DLGAP2: variants seen among roughly 807,000 people sequenced by gnomAD.
DLGAP2 encodes the protein DLG associated protein 2, also known as disks large-associated protein 2.
Under a neutral mutation model 100.3 loss-of-function variants are expected in DLGAP2, and 26 were observed. That is an observed-to-expected ratio of 0.26 (90% CI 0.19 to 0.36). The LOEUF is 0.36. DLGAP2 is among the 10% of genes least tolerant of loss of function. The pLI, the probability that DLGAP2 is intolerant of heterozygous loss-of-function variation, is 1.00. For missense variants in DLGAP2, 1,858 were observed against 1,453.2 expected, an observed-to-expected ratio of 1.28 and a Z score of -4.53; for synonymous variants, 886 against 630.1, an observed-to-expected ratio of 1.41 and a Z score of -6.08.
At chr8:1,684,423 T>C (rs1799060059) in intron 12 of DLGAP2, among the ~76,000 whole-genome samples, 1 of 152,086 alleles carries the variant, frequency 6.6e-6, no homozygotes, top group East Asian at 1.9e-4. Flanking sequence ...TAGGAGCAGA[T>C]ACAGGGTTAT....
rs1799260788 is a variant in DLGAP2, at chr8:1,257,808, A to T, written c.74-1043A>T. On this transcript the variant is annotated intron_variant, in intron 2 of 14. Coordinates refer to ENST00000637795, the MANE Select transcript of DLGAP2 (RefSeq NM_001346810.2). ...GGCCAGTGCTGTCCCTGCAGTCTTG[A>T]TATCTGACGCACATGCTCATTCCCT... is the stretch of plus-strand genomic sequence containing the variant. Among the ~76,000 whole-genome samples, 4 of 152,084 alleles carry T rather than the reference A, an allele frequency of 2.6e-5. No homozygotes were observed. The South Asian group carries it at 8.3e-4, about 32-fold the overall frequency.
chr8:1,675,945 A>G (rs1798801222), intron 10 of DLGAP2, among the ~76,000 whole-genome samples: 1 of 152,152 alleles, frequency 6.6e-6, no homozygotes, highest in South Asian at 2.1e-4. Context: ...AAATACAGCC[A>G]CAATCAGAAT....
intron 2 of DLGAP2, among the ~76,000 whole-genome samples, chr8:978,664 T>G (rs1310388386): frequency 1.3e-5 from 2 of 151,672 alleles, no homozygotes; most frequent in African/African-American, 2.4e-5. Context: ...GTTCTGGTCT[T>G]TGGTGTTGTG....
At chr8:937,982 T>G (rs1006500055) in intron 2 of DLGAP2, among the ~76,000 whole-genome samples, 1 of 152,098 alleles carries the variant, frequency 6.6e-6, no homozygotes, top group Non-Finnish European at 1.5e-5. Flanking sequence ...AGTTCAGCAG[T>G]TCTTACTCTC....
intron 3 of DLGAP2, among the ~76,000 whole-genome samples, chr8:1,426,180 C>G (rs540010313): frequency 1.3e-5 from 2 of 152,188 alleles, no homozygotes; most frequent in African/African-American, 2.4e-5. Context: ...CAACTGTGAA[C>G]TGACTTTGTC....
intron 1 of DLGAP2, among the ~76,000 whole-genome samples, chr8:903,145 C>G (rs1389624646): frequency 6.6e-6 from 1 of 152,024 alleles, no homozygotes; most frequent in Non-Finnish European, 1.5e-5. Flanking sequence ...CGCCTCCATG[C>G]TCTTTAATCT....
intron 2 of DLGAP2, among the ~76,000 whole-genome samples, chr8:1,219,487 G>A (rs1007656055): frequency 1.3e-5 from 2 of 152,114 alleles, no homozygotes; most frequent in Admixed American, 1.3e-4. Context: ...TGGTGGATTA[G>A]CATCTTAATG....
At chr8:1,504,554 C>T (rs1485015234) in intron 4 of DLGAP2, among the ~76,000 whole-genome samples, 1 of 152,198 alleles carries the variant, frequency 6.6e-6, no homozygotes, top group Non-Finnish European at 1.5e-5. Flanking sequence ...CCCAGTTCCC[C>T]CCAACCCTCT....
At chr8:884,525 A>T (rs944375462) in intron 1 of DLGAP2, among the ~76,000 whole-genome samples, 4 of 150,872 alleles carry the variant, frequency 2.7e-5, no homozygotes, top group Non-Finnish European at 5.9e-5. Flanking sequence ...TAAATTCTGG[A>T]TGTTAGATCT....
At chr8:985,677 A>G (rs1042222606) in intron 2 of DLGAP2, among the ~76,000 whole-genome samples, 1 of 152,236 alleles carries the variant, frequency 6.6e-6, no homozygotes, top group Non-Finnish European at 1.5e-5. Flanking sequence ...ACATCTGGTA[A>G]TGGCAGAATA....
intron 2 of DLGAP2, among the ~76,000 whole-genome samples, chr8:1,119,840 A>T (rs1045212306): frequency 6.6e-6 from 1 of 152,228 alleles, no homozygotes. Flanking sequence ...TGGCACCATG[A>T]TTTTAAATAA....
intron 3 of DLGAP2, among the ~76,000 whole-genome samples, chr8:1,317,197 T>C (rs547521129): frequency 7.8e-6 from 1 of 127,698 alleles, no homozygotes; most frequent in Non-Finnish European, 1.6e-5. Flanking sequence ...GCAGCGTCTC[T>C]CCAACAGTGG....
intron 2 of DLGAP2, among the ~76,000 whole-genome samples, chr8:1,102,988 T>C (rs939979833): frequency 6.6e-6 from 1 of 151,764 alleles, no homozygotes; most frequent in East Asian, 1.9e-4. Flanking sequence ...TTCTGGGGTC[T>C]TCGTGAGTCT....
chr8:1,255,474 C>T (rs563212037), intron 2 of DLGAP2, among the ~76,000 whole-genome samples: 30 of 126,958 alleles, frequency 2.4e-4, no homozygotes, highest in Non-Finnish European at 4.3e-4. Flanking sequence ...TGCCTGGGTG[C>T]TGTGTGTGTG....
chr8:1,224,988 C>T (rs1034025326), intron 2 of DLGAP2, among the ~76,000 whole-genome samples: 1 of 152,190 alleles, frequency 6.6e-6, no homozygotes, highest in African/African-American at 2.4e-5. Flanking sequence ...TCATATGTTG[C>T]TGTTGGAAAT....
chr8:1,212,159 G>A (rs1238175889), intron 2 of DLGAP2, among the ~76,000 whole-genome samples: 2 of 152,282 alleles, frequency 1.3e-5, no homozygotes, highest in East Asian at 1.9e-4. Flanking sequence ...CAAGAAAAGG[G>A]CAAAATCCCC....
intron 2 of DLGAP2, among the ~76,000 whole-genome samples, chr8:998,187 C>T (rs778908598): frequency 6.6e-6 from 1 of 152,232 alleles, no homozygotes; most frequent in Non-Finnish European, 1.5e-5. Flanking sequence ...AATGTGCATG[C>T]ACACATAAAT....
chr8:1,186,523 C>T (rs899445368), intron 2 of DLGAP2, among the ~76,000 whole-genome samples: 1 of 152,180 alleles, frequency 6.6e-6, no homozygotes, highest in Non-Finnish European at 1.5e-5. Context: ...TTCCAGGCGC[C>T]TTATCCTCTC....
intron 3 of DLGAP2, among the ~76,000 whole-genome samples, chr8:1,390,903 G>A (rs1035193566): frequency 6.6e-6 from 1 of 152,322 alleles, no homozygotes; most frequent in Non-Finnish European, 1.5e-5. Context: ...AAATGGCAAG[G>A]CAGGCAGCAA....
Sources: gnomAD v4.1 joint callset for allele counts (sites outside exome capture counted in the v4.1 genomes callset) on GRCh38, gnomAD v4.1.1 for gene constraint, MANE v1.5 for transcripts, NCBI Gene and HGNC (gene_info 2026-07-23, HGNC 2026-07-21) for gene names.